NEK11: variants seen among roughly 807,000 people sequenced by gnomAD.
NEK11 encodes serine/threonine-protein kinase Nek11.
Under a neutral mutation model 80.7 loss-of-function variants are expected in NEK11, and 72 were observed. The ratio of observed to expected loss-of-function variants is 0.89; its 90% CI spans 0.74 to 1.08. The LOEUF is 1.08. Among genes scored for constraint, NEK11 ranks in the 50% least tolerant of loss-of-function variants. NEK11 has a pLI of 0.00. For missense variants in NEK11, 764 were observed against 763.6 expected (o/e 1.00, Z -0.01); for synonymous variants, 251 against 260.7 (o/e 0.96, Z 0.36).
At chr3:131,234,486 T>C (rs72989897) in intron 15 of NEK11, among the ~76,000 whole-genome samples, 19,253 of 152,226 alleles carry the variant, frequency 0.13, 2,219 homozygotes, top group African/African-American at 0.3. Flanking sequence ...CGCTGGCCTG[T>C]GTCCCAGGCT....
chr3:131,332,775 A>T (rs539794326), intron 17 of NEK11, among the ~76,000 whole-genome samples: 280 of 152,328 alleles, frequency 1.8e-3, no homozygotes, highest in African/African-American at 6.5e-3. Flanking sequence ...TGCTTAAAGG[A>T]GCTGATGGAG....
intron 4 of NEK11, among the ~76,000 whole-genome samples, chr3:131,085,201 C>A (rs1424612890): frequency 6.6e-6 from 1 of 152,184 alleles, no homozygotes; most frequent in African/African-American, 2.4e-5. Flanking sequence ...GCTGGCTAAC[C>A]TGAGATGAGT....
intron 3 of NEK11, among the ~76,000 whole-genome samples, chr3:131,071,677 A>G (rs1449725935): frequency 6.6e-6 from 1 of 152,100 alleles, no homozygotes; most frequent in Non-Finnish European, 1.5e-5. Context: ...TAGTTTTGAA[A>G]TGTACTAATA....
At chr3:131,197,625 C>T (rs180930179) in intron 14 of NEK11, among the ~76,000 whole-genome samples, 1 of 152,190 alleles carries the variant, frequency 6.6e-6, no homozygotes, top group African/African-American at 2.4e-5. Context: ...CTATCAATGC[C>T]TAAGTGGAAG....
chr3:131,108,806 G>T (rs2079601198), intron 4 of NEK11, among the ~76,000 whole-genome samples: 1 of 151,946 alleles, frequency 6.6e-6, no homozygotes, highest in Non-Finnish European at 1.5e-5. Context: ...ATTCCTTAGG[G>T]TTTTGCTATA....
intron 10 of NEK11, among the ~76,000 whole-genome samples, chr3:131,161,651 G>C (rs1159981251): frequency 6.6e-6 from 1 of 152,158 alleles, no homozygotes; most frequent in Non-Finnish European, 1.5e-5. Flanking sequence ...TGGACACATA[G>C]AGGGGAACAA....
chr3:131,175,969 C>G (rs1488357102), intron 14 of NEK11, among the ~76,000 whole-genome samples: 1 of 152,276 alleles, frequency 6.6e-6, no homozygotes, highest in East Asian at 1.9e-4. Flanking sequence ...TTGAGACTTT[C>G]TTCTAGCATC....
intron 14 of NEK11, among the ~76,000 whole-genome samples, chr3:131,195,668 G>A (rs909436981): frequency 3.9e-5 from 6 of 151,970 alleles, no homozygotes; most frequent in African/African-American, 1.5e-4. Context: ...TAGATGATGT[G>A]AAGGTGGTCC....
At chr3:131,265,199 C>T (rs549478636) in intron 16 of NEK11, among the ~76,000 whole-genome samples, 1 of 152,030 alleles carries the variant, frequency 6.6e-6, no homozygotes, top group African/African-American at 2.4e-5. Context: ...ATTTGAATAC[C>T]CTGTATTTCT....
At chr3:131,055,085 C>T (rs1231488649) in intron 3 of NEK11, among the ~76,000 whole-genome samples, 1 of 152,204 alleles carries the variant, frequency 6.6e-6, no homozygotes, top group African/African-American at 2.4e-5. Flanking sequence ...GCCTTGATGT[C>T]TTGCTGTGTT....
intron 3 of NEK11, among the ~76,000 whole-genome samples, chr3:131,049,680 T>A (rs1228335638): frequency 6.6e-6 from 1 of 152,224 alleles, no homozygotes; most frequent in Non-Finnish European, 1.5e-5. Context: ...TCAGATAAAC[T>A]ATGCAGAACC....
At position 131,170,899 on chromosome 3, in the gene NEK11, CATTGATTTTCAGAAGGAT is replaced by C; in HGVS notation, c.1399+13_1399+30del. The C allele has an allele frequency of 6.3e-7, 1 of 1,581,914 alleles. No individual in the cohort carries two copies. Among genetic ancestry groups the C allele is most frequent in the Non-Finnish European group, 8.7e-7 (1 of 1,150,670 alleles). ...CCTTGGATACCATGGTATGTGTTTG[CATTGATTTTCAGAAGGAT>C]GCTCACAGCTGCTGCACAGGTTGCT... On this transcript the variant is annotated intron_variant, in intron 14 of 17. Transcript: ENST00000383366.
chr3:131,339,323 C>T (rs1054551906), intron 17 of NEK11, among the ~76,000 whole-genome samples: 3 of 152,144 alleles, frequency 2.0e-5, no homozygotes, highest in South Asian at 2.1e-4. Flanking sequence ...TATAATTGAA[C>T]ATTTAGAGCT....
At chr3:131,310,013 A>C (rs1317867369) in intron 17 of NEK11, among the ~76,000 whole-genome samples, 44 of 148,252 alleles carry the variant, frequency 3.0e-4, no homozygotes, top group African/African-American at 7.1e-4. Context: ...AAAAAAAAAA[A>C]AAAAAAAAAA....
chr3:131,213,925 A>T (rs2094722852), intron 14 of NEK11, among the ~76,000 whole-genome samples: 1 of 152,200 alleles, frequency 6.6e-6, no homozygotes, highest in Admixed American at 6.5e-5. Context: ...GGTAGAGCCC[A>T]CAGGATGGGA....
At chr3:131,140,657 C>A (rs1318770130) in intron 7 of NEK11, among the ~76,000 whole-genome samples, 1 of 152,142 alleles carries the variant, frequency 6.6e-6, no homozygotes, top group South Asian at 2.1e-4. Flanking sequence ...GACAATCTGG[C>A]AGTGTTTGTT....
Position 131,133,969 on chromosome 3 carries a change from G to A in NEK11, c.647+13G>A, listed in dbSNP as rs1209982325. On this transcript the variant is annotated intron_variant, in intron 7 of 17. Transcript: ENST00000383366. ...AGTCGGACATCTGGTGAGTGGGCTAGTGGGCTAGACTCTTCATCTGCTTCC... is the reference window on the plus strand; with the variant it reads ...AGTCGGACATCTGGTGAGTGGGCTAATGGGCTAGACTCTTCATCTGCTTCC... The A allele has an allele frequency of 2.5e-6, 4 of 1,604,770 alleles. No individual in the cohort carries two copies. In the East Asian group the frequency reaches 6.7e-5, roughly 27 times the overall value.
intron 3 of NEK11, among the ~76,000 whole-genome samples, chr3:131,079,588 T>C (rs1218221908): frequency 6.6e-6 from 1 of 152,236 alleles, no homozygotes; most frequent in Non-Finnish European, 1.5e-5. Flanking sequence ...AATTGATTTG[T>C]TTATCAGACT....
intron 17 of NEK11, among the ~76,000 whole-genome samples, chr3:131,348,525 C>T (rs781633252): frequency 5.3e-5 from 8 of 151,760 alleles, no homozygotes; most frequent in Non-Finnish European, 8.8e-5. Context: ...CACATAAAGA[C>T]ATTCACATTA....
Sources: allele counts gnomAD v4.1 joint callset (sites outside exome capture counted in the v4.1 genomes callset), GRCh38; gene constraint gnomAD v4.1.1; transcripts MANE v1.5; gene names NCBI Gene and HGNC (gene_info 2026-07-23, HGNC 2026-07-21).